COG6: variants seen among roughly 807,000 people sequenced by gnomAD.
The protein encoded by COG6 is conserved oligomeric Golgi complex subunit 6.
In COG6, 74 loss-of-function variants were observed where a neutral mutation model predicts 88.8. That is an observed-to-expected ratio of 0.83 (90% CI 0.69 to 1.01). The LOEUF (loss-of-function observed/expected upper bound fraction) is 1.01, where lower values mean the gene tolerates loss of function less well. Ranked by LOEUF, COG6 falls within the 50% of genes least tolerant of loss-of-function variation. The pLI is 0.00. For missense variants in COG6, 800 were observed against 797.9 expected (o/e 1.00, Z -0.03); for synonymous variants, 286 against 278.7 (o/e 1.03, Z -0.26).
chr13:39,785,870 T>C (rs1297656743), intron 18 of COG6, among the ~76,000 whole-genome samples: 1 of 152,048 alleles, frequency 6.6e-6, no homozygotes, highest in Non-Finnish European at 1.5e-5. Flanking sequence ...TAAGAGTACT[T>C]GGAGGATGGA....
chr13:39,786,424 C>T lies in COG6; in HGVS notation c.1827-1911C>T, dbSNP rs554892089. On this transcript the variant is annotated intron_variant, in intron 18 of 18. Transcript: ENST00000416691. ...ACAAGGGCATGTGGTTCTAGGTGAT[C>T]GTGGGATCCTGCAGAGTTTGTTGTC... Among the ~76,000 whole-genome samples, 9 of 152,146 alleles carry T rather than the reference C, an allele frequency of 5.9e-5. No homozygotes were observed. The South Asian group carries it at 1.7e-3, about 28-fold the overall frequency.
At chr13:39,787,051 G>A (rs1013894604) in intron 18 of COG6, among the ~76,000 whole-genome samples, 9 of 152,176 alleles carry the variant, frequency 5.9e-5, no homozygotes, top group Admixed American at 5.9e-4. Context: ...GGCACCACAA[G>A]TCTGCTGGTT....
chr13:39,727,871 G>T lies in COG6; in HGVS notation c.1826+323G>T, dbSNP rs1057363940. ...TCAGAATAATGTTGAATATGTTATG[G>T]AAAATCAATAATATATTCATTATGC... On this transcript the variant is annotated intron_variant, in intron 18 of 18. Transcript: ENST00000455146. Among the ~76,000 whole-genome samples the T allele has an allele frequency of 2.8e-4, 43 of 151,964 alleles. 1 individual carries two copies. Among genetic ancestry groups the T allele is most frequent in the Admixed American group, 2.6e-3 (40 of 15,252 alleles).
chr13:39,693,924 A>C (rs1877117551), intron 11 of COG6, among the ~76,000 whole-genome samples: 1 of 151,982 alleles, frequency 6.6e-6, no homozygotes, highest in Admixed American at 6.6e-5. Context: ...GGAAAGCAAG[A>C]AGATAGAATG....
At chr13:39,739,159 G>A (rs528028133) in intron 18 of COG6, among the ~76,000 whole-genome samples, 2 of 152,002 alleles carry the variant, frequency 1.3e-5, no homozygotes, top group Non-Finnish European at 2.9e-5. Flanking sequence ...GTAGATGAAC[G>A]TAAGAACTCA....
intron 18 of COG6, among the ~76,000 whole-genome samples, chr13:39,770,284 C>G (rs1294653037): frequency 6.6e-6 from 1 of 152,140 alleles, no homozygotes; most frequent in Non-Finnish European, 1.5e-5. Context: ...ACAAAGACTC[C>G]CTCACATTGA....
intron 4 of COG6, among the ~76,000 whole-genome samples, chr13:39,667,323 T>G (rs1431641661): frequency 6.6e-6 from 1 of 152,208 alleles, no homozygotes; most frequent in Non-Finnish European, 1.5e-5. Context: ...ACTAACTACC[T>G]TCTCTTTCAC....
At chr13:39,746,773 T>C (rs1384071161) in intron 18 of COG6, among the ~76,000 whole-genome samples, 4 of 152,158 alleles carry the variant, frequency 2.6e-5, no homozygotes. Flanking sequence ...ACATAGTAAT[T>C]ATTACTGTAA....
At chr13:39,715,188 A>G (rs1305724728) in intron 13 of COG6, among the ~76,000 whole-genome samples, 1 of 152,042 alleles carries the variant, frequency 6.6e-6, no homozygotes, top group Non-Finnish European at 1.5e-5. Flanking sequence ...CCACTTGTAC[A>G]CCAAAAGCTG....
chr13:39,660,252 C>T (rs956532499), intron 2 of COG6, among the ~76,000 whole-genome samples: 4 of 152,016 alleles, frequency 2.6e-5, no homozygotes, highest in Non-Finnish European at 5.9e-5. Flanking sequence ...TGGCTGTTCC[C>T]AGGTATGATC....
At chr13:39,786,311 G>T (rs1881771489) in intron 18 of COG6, among the ~76,000 whole-genome samples, 1 of 152,162 alleles carries the variant, frequency 6.6e-6, no homozygotes, top group African/African-American at 2.4e-5. Flanking sequence ...GAAGGAATGG[G>T]GAGGCAGATA....
At chr13:39,767,023 G>A (rs150216858) in intron 18 of COG6, among the ~76,000 whole-genome samples, 2 of 152,124 alleles carry the variant, frequency 1.3e-5, no homozygotes, top group Non-Finnish European at 2.9e-5. Flanking sequence ...GTTTTAAAGG[G>A]TGATAGGGTA....
At chr13:39,669,187 A>C (rs976106856) in intron 4 of COG6, among the ~76,000 whole-genome samples, 1 of 152,226 alleles carries the variant, frequency 6.6e-6, no homozygotes, top group Admixed American at 6.5e-5. Context: ...CTGTGCCTTC[A>C]CCATAAAATT....
chr13:39,680,204 C>T (rs758125683), intron 7 of COG6, among the ~76,000 whole-genome samples, 159 bp downstream of exon 7: 5 of 151,842 alleles, frequency 3.3e-5, no homozygotes, highest in Non-Finnish European at 7.4e-5. Flanking sequence ...TTTACTTGGT[C>T]TTTGATGCAT....
chr13:39,670,005 T>A (rs1391168972), intron 4 of COG6, among the ~76,000 whole-genome samples: 3 of 152,226 alleles, frequency 2.0e-5, no homozygotes. Flanking sequence ...CAGTTAGCTT[T>A]AGAAATAGAA....
intron 5 of COG6, 37 bp downstream of exon 5, chr13:39,677,616 G>A: frequency 7.9e-7 from 1 of 1,261,178 alleles, no homozygotes; most frequent in Non-Finnish European, 1.1e-6. Context: ...TTAAAGTTTA[G>A]TAGTTACAGA....
intron 4 of COG6, among the ~76,000 whole-genome samples, chr13:39,666,496 G>T (rs1269243850): frequency 6.6e-6 from 1 of 152,040 alleles, no homozygotes; most frequent in Non-Finnish European, 1.5e-5. Flanking sequence ...TAATATTATG[G>T]GTCATAATCA....
intron 18 of COG6, among the ~76,000 whole-genome samples, chr13:39,772,085 C>T (rs1311083483): frequency 6.6e-6 from 1 of 152,232 alleles, no homozygotes; most frequent in Non-Finnish European, 1.5e-5. Flanking sequence ...TGGTGCTGGT[C>T]CTCACAGCAA....
chr13:39,750,318 G>GT (rs1880555998), intron 18 of COG6, among the ~76,000 whole-genome samples: 1 of 152,068 alleles, frequency 6.6e-6, no homozygotes, highest in South Asian at 2.1e-4. Context: ...AACCAATACT[G>GT]TTTTTTCTAG....
Sources: allele counts gnomAD v4.1 joint callset (sites outside exome capture counted in the v4.1 genomes callset), GRCh38; gene constraint gnomAD v4.1.1; transcripts MANE v1.5; gene names NCBI Gene and HGNC (gene_info 2026-07-23, HGNC 2026-07-21).